The following PPL variants were observed in gnomAD, a reference collection of about 807,000 sequenced individuals.
The protein encoded by PPL is periplakin.
In PPL, 198 loss-of-function variants were observed where a neutral mutation model predicts 194.4. The ratio of observed to expected loss-of-function variants is 1.02; its 90% CI spans 0.91 to 1.15. The LOEUF (loss-of-function observed/expected upper bound fraction) is 1.15, where lower values mean the gene tolerates loss of function less well. Ranked by LOEUF, PPL falls within the 50% of genes most tolerant of loss-of-function variation. The probability of loss-of-function intolerance (pLI) is 0.00; values close to 1 mark genes in which losing one functional copy is unlikely to be tolerated. For missense variants in PPL, 2,885 were observed against 2,294.8 expected, an observed-to-expected ratio of 1.26 and a Z score of -5.25; for synonymous variants, 1,220 against 972.4, an observed-to-expected ratio of 1.25 and a Z score of -4.74.
At chr16:4,903,280 C>T (rs369042465) in intron 3 of PPL, among the ~76,000 whole-genome samples, 5 of 152,054 alleles carry the variant, frequency 3.3e-5, no homozygotes, top group South Asian at 2.1e-4. Context: ...GCCAAGGAAG[C>T]CAGGGACAGG....
At chr16:4,886,499 GGACA>G (rs986311398) in intron 21 of PPL, among the ~76,000 whole-genome samples, 1 of 152,232 alleles carries the variant, frequency 6.6e-6, no homozygotes, top group African/African-American at 2.4e-5. Flanking sequence ...TCCGCTCTCT[GGACA>G]GACCGCAGTT....
Position 4,895,602 on chromosome 16 carries a change from C to T in PPL, c.1087G>A (p.Glu363Lys). 3 of 1,613,900 alleles carry T rather than the reference C, an allele frequency of 1.9e-6. No individual in the cohort carries two copies. The highest frequency in any genetic ancestry group is 1.1e-5 in the South Asian group (1 of 91,078). The change falls in exon 10 of 22, where the codon GAG becomes AAG. Residue 363 changes from glutamate (E) to lysine (K), a missense_variant. Physicochemically the swap from Glu to Lys is moderately conservative, Grantham distance 56. Coordinates refer to ENST00000345988, the MANE Select transcript of PPL (RefSeq NM_002705.5). Reference protein sequence around the residue: ...DRYQIELLLRELDDQEKVLDK... With the variant: ...DRYQIELLLRKLDDQEKVLDK... ...CCTGGGCCATCGCTCACATCCAGCT[C>T]CCGCAGCAGCAGCTCAATCTGGTAC...
chr16:4,916,668 CTAA>C (rs1180169180), intron 1 of PPL, among the ~76,000 whole-genome samples: 1 of 81,510 alleles, frequency 1.2e-5, no homozygotes, highest in Non-Finnish European at 3.0e-5. Flanking sequence ...CCGTGCCCAG[CTAA>C]TTTTTTTTTT....
rs2088402535 is a variant in PPL at position 4,895,265 on chromosome 16, T to A, written c.1238A>T (p.Glu413Val). ...AGAGGAGCTGGCCCCACGCACCTGC[T>A]CCCCCTCAAAGTCACAGAGTGCCTC... ...PVEALCDFEG[E>V]QGLISRGYSY... Residue 413 changes from glutamate to valine, a missense_variant, in exon 11 of 22, where the codon GAG becomes GTG. By Grantham distance (121) the Glu-to-Val change is moderately radical (BLOSUM62 -2). Coordinates refer to ENST00000345988, the MANE Select transcript of PPL (RefSeq NM_002705.5). 6.2e-7 allele frequency: 1 copy of A among 1,601,876 alleles called. No homozygotes were observed. The highest frequency in any genetic ancestry group is 8.5e-7 in the Non-Finnish European group (1 of 1,173,548).
chr16:4,933,922 T>A (rs902120994), intron 1 of PPL, among the ~76,000 whole-genome samples: 1 of 152,244 alleles, frequency 6.6e-6, no homozygotes, highest in Non-Finnish European at 1.5e-5. Context: ...CAGATGCTAT[T>A]ACCTGCGGCC....
chr16:4,918,880 G>A (rs568664379), intron 1 of PPL, among the ~76,000 whole-genome samples: 1 of 152,164 alleles, frequency 6.6e-6, no homozygotes, highest in Admixed American at 6.5e-5. Flanking sequence ...CAGGTCCCAG[G>A]AGTGCTGGGA....
chr16:4,890,694 A>C (rs763763263), intron 17 of PPL, 34 bp downstream of exon 17: 2 of 1,566,806 alleles, frequency 1.3e-6, no homozygotes, highest in East Asian at 4.6e-5. Flanking sequence ...CATTCTCAGA[A>C]AACAAAAATG....
At chr16:4,899,202 C>G (rs1173928411) in intron 7 of PPL, 21 bp downstream of exon 7, 1 of 1,613,372 alleles carries the variant, frequency 6.2e-7, no homozygotes, top group Non-Finnish European at 8.5e-7. Flanking sequence ...CTCCCTGATG[C>G]CCCAGGCCCC....
chr16:4,896,943 G>A (rs573536737), intron 9 of PPL, among the ~76,000 whole-genome samples: 1 of 152,100 alleles, frequency 6.6e-6, no homozygotes, highest in Admixed American at 6.6e-5. Flanking sequence ...CCAGGGTATA[G>A]GGTTTCTGTT....
At chr16:4,936,511 C>G (rs1447628938) in intron 1 of PPL, among the ~76,000 whole-genome samples, 1 of 152,214 alleles carries the variant, frequency 6.6e-6, no homozygotes, top group African/African-American at 2.4e-5. Context: ...CCCCCGACGC[C>G]AGCTCAGTTT....
chr16:4,883,342 A>AG lies in PPL; in HGVS notation c.*41dup. 6.2e-7 allele frequency: 1 copy of AG among 1,609,350 alleles called. No individual in the cohort carries two copies. Among genetic ancestry groups the AG allele is most frequent in the South Asian group, 1.1e-5 (1 of 90,872 alleles). ...CAAGGAGGTCACTGCGTCGTAGGAG[A>AG]GGGCCAGCGTCTGCCGTTACGAAGA... On this transcript the variant is annotated 3_prime_UTR_variant, in exon 22 of 22. Transcript: ENST00000345988. The surrounding 1 kb of genome is among the most constrained non-coding windows in gnomAD (Gnocchi z 4.8).
chr16:4,922,611 G>A (rs2089072068), intron 1 of PPL, among the ~76,000 whole-genome samples: 1 of 152,072 alleles, frequency 6.6e-6, no homozygotes, highest in Non-Finnish European at 1.5e-5. Context: ...GTAGTGAGCC[G>A]AGACTGTGCC....
Position 4,894,595 on chromosome 16 carries a change from G to T in PPL, c.1266C>A (p.Ser422Arg). 6.2e-7 allele frequency: 1 copy of T among 1,613,646 alleles called. No individual in the cohort carries two copies. The highest frequency in any genetic ancestry group is 1.1e-5 in the South Asian group (1 of 91,086). The change falls in exon 12 of 22, where the codon AGC becomes AGA. Residue 422 changes from serine to arginine, a missense_variant. Physicochemically the swap from Ser to Arg is moderately radical, Grantham distance 110 (BLOSUM62 -1). Coordinates refer to ENST00000345988, the MANE Select transcript of PPL (RefSeq NM_002705.5). Reference protein sequence around the residue: ...GEQGLISRGYSYTLQKNNGES... With the variant: ...GEQGLISRGYRYTLQKNNGES... Reference sequence around the variant, plus strand: ...CCCCGTTGTTCTTCTGCAGGGTGTAGCTGTAGCCCCGCGAGATCAGGCCCT... The same window carrying T: ...CCCCGTTGTTCTTCTGCAGGGTGTATCTGTAGCCCCGCGAGATCAGGCCCT...
At chr16:4,926,809 G>A (rs1457843801) in intron 1 of PPL, among the ~76,000 whole-genome samples, 1 of 134,760 alleles carries the variant, frequency 7.4e-6, no homozygotes, top group Non-Finnish European at 1.5e-5. Flanking sequence ...AACCTGGGAG[G>A]CAGAACTTGC....
At chr16:4,933,156 C>G (rs1386655160) in intron 1 of PPL, among the ~76,000 whole-genome samples, 4 of 152,102 alleles carry the variant, frequency 2.6e-5, no homozygotes, top group African/African-American at 7.2e-5. Flanking sequence ...CACCCACCCC[C>G]ATGCCCAGCT....
chr16:4,885,804 G>A lies in PPL; in HGVS notation c.2851C>T (p.Gln951Ter), dbSNP rs760672234. 4 of 1,609,082 alleles carry A rather than the reference G, an allele frequency of 2.5e-6. No homozygotes were observed. In the South Asian group the frequency reaches 3.3e-5, roughly 13 times the overall value. Reference sequence around the variant, plus strand: ...TCTGCCAGCGTCCGCTGCAGCTGCTGGAAGCTCTCCTCCAGCACGGGATCC... The same window carrying A: ...TCTGCCAGCGTCCGCTGCAGCTGCTAGAAGCTCTCCTCCAGCACGGGATCC... ...VPDPVLEESF[Q>*]QLQRTLAEEQ... Residue 951 changes from glutamine (Q) to a stop codon, truncating the protein, a stop_gained, in exon 22 of 22, where the codon CAG becomes TAG. Transcript: ENST00000345988. LOFTEE classifies it high-confidence loss of function. The surrounding 1 kb of genome is among the most constrained non-coding windows in gnomAD (Gnocchi z 6.3).
In PPL at chr16:4,884,244, G is replaced by T. The variant is rs1259925733; in HGVS notation, c.4411C>A (p.His1471Asn). Reference protein sequence around the residue: ...LLRLQLEEEQHRRQLLEGELE... With the variant: ...LLRLQLEEEQNRRQLLEGELE... Reference sequence around the variant, plus strand: ...TCCCCCTCCAGGAGCTGCCGCCGGTGCTGCTCTTCTTCCAGCTGGAGTCGG... The same window carrying T: ...TCCCCCTCCAGGAGCTGCCGCCGGTTCTGCTCTTCTTCCAGCTGGAGTCGG... The change falls in exon 22 of 22, where the codon CAC becomes AAC. Residue 1471 changes from histidine (H) to asparagine (N), a missense_variant. His to Asn is a moderately conservative substitution (Grantham distance 68, BLOSUM62 1). Transcript: ENST00000345988. The surrounding 1 kb of genome is among the most constrained non-coding windows in gnomAD (Gnocchi z 5.7). 1.2e-6 allele frequency: 2 copies of T among 1,613,468 alleles called. No homozygotes were observed. The highest frequency in any genetic ancestry group is 2.2e-5 in the South Asian group (2 of 91,076).
chr16:4,905,378 G>A (rs56023217), intron 2 of PPL, among the ~76,000 whole-genome samples: 2 of 152,128 alleles, frequency 1.3e-5, no homozygotes, highest in Non-Finnish European at 1.5e-5. Context: ...GAAGTGTCCC[G>A]AACAGGCAAG....
chr16:4,894,342 A>G, intron 12 of PPL, 125 bp downstream of exon 12: 1 of 1,212,098 alleles, frequency 8.3e-7, no homozygotes, highest in African/African-American at 1.5e-5. Flanking sequence ...GGGGGTGCAG[A>G]TGGAGAGTGT....
Sources: allele counts gnomAD v4.1 joint callset (sites outside exome capture counted in the v4.1 genomes callset), GRCh38; gene constraint gnomAD v4.1.1; non-coding constraint Gnocchi (gnomAD v3.1); transcripts MANE v1.5; gene names NCBI Gene and HGNC (gene_info 2026-07-23, HGNC 2026-07-21).